Variants in ARHGAP6 observed in about 807,000 individuals in gnomAD.
ARHGAP6 encodes the protein rho GTPase-activating protein 6.
Under a neutral mutation model 55.7 loss-of-function variants are expected in ARHGAP6, and 16 were observed. The observed-to-expected ratio is 0.29, with a 90% CI of 0.19 to 0.44. The LOEUF (loss-of-function observed/expected upper bound fraction) is 0.44, where lower values mean the gene tolerates loss of function less well. ARHGAP6 is among the 20% of genes least tolerant of loss of function. The pLI is 1.00. For synonymous variants in ARHGAP6, 382 were observed against 360.9 expected (o/e 1.06, Z -0.66); for missense variants, 698 against 808.9 (o/e 0.86, Z 1.66).
At chrX:11,658,355 C>T (rs2052661131) in intron 1 of ARHGAP6, among the ~76,000 whole-genome samples, 1 of 111,349 alleles carries the variant, frequency 9.0e-6, no homozygotes, top group Non-Finnish European at 1.9e-5. Flanking sequence ...AGAGAGATAG[C>T]CTGAGAGAGA....
intron 1 of ARHGAP6, among the ~76,000 whole-genome samples, chrX:11,437,759 A>G (rs933448140): frequency 8.9e-6 from 1 of 112,294 alleles, no homozygotes; most frequent in Non-Finnish European, 1.9e-5. Context: ...GTAAACTCCC[A>G]GGCACTTCCT....
At chrX:11,337,971 G>C (rs1054589572) in intron 1 of ARHGAP6, among the ~76,000 whole-genome samples, 19 of 111,418 alleles carry the variant, frequency 1.7e-4, no homozygotes, top group African/African-American at 6.2e-4. Context: ...ACCAAACCCA[G>C]GGGTGTCCTG....
At chrX:11,360,870 G>A (rs759087843) in intron 1 of ARHGAP6, among the ~76,000 whole-genome samples, 1,474 of 109,169 alleles carry the variant, frequency 0.014, 50 homozygotes, top group African/African-American at 0.049. Flanking sequence ...ATAACAGAGA[G>A]AGAGCCAAAT....
chrX:11,391,285 A>C (rs1450584501), intron 1 of ARHGAP6, among the ~76,000 whole-genome samples: 2 of 111,102 alleles, frequency 1.8e-5, no homozygotes, highest in East Asian at 5.6e-4. Context: ...GGACACAGGA[A>C]GGGGAACATC....
intron 10 of ARHGAP6, chrX:11,145,078 A>G (rs907004361): frequency 8.9e-6 from 1 of 112,240 alleles, no homozygotes; most frequent in Non-Finnish European, 1.9e-5. Flanking sequence ...TTACCTGGAA[A>G]CATCTTTCTT....
intron 2 of ARHGAP6, among the ~76,000 whole-genome samples, chrX:11,204,243 T>C (rs1479260426): frequency 1.8e-5 from 2 of 112,225 alleles, no homozygotes; most frequent in Non-Finnish European, 3.8e-5. Flanking sequence ...TCTCAACCTG[T>C]TCTGTGGCTT....
At chrX:11,216,356 G>A (rs1295145510) in intron 2 of ARHGAP6, among the ~76,000 whole-genome samples, 1 of 111,999 alleles carries the variant, frequency 8.9e-6, no homozygotes, top group East Asian at 2.8e-4. Context: ...CGTCTTCTAA[G>A]AAAAATCAGC....
intron 1 of ARHGAP6, among the ~76,000 whole-genome samples, chrX:11,648,516 C>T (rs1291845910): frequency 8.9e-6 from 1 of 111,801 alleles, no homozygotes; most frequent in Non-Finnish European, 1.9e-5. Context: ...CTTTCCTCTT[C>T]CCGCTGAAGC....
chrX:11,297,553 T>C (rs2048107547), intron 1 of ARHGAP6, among the ~76,000 whole-genome samples: 1 of 112,585 alleles, frequency 8.9e-6, no homozygotes, highest in Non-Finnish European at 1.9e-5. Flanking sequence ...GCCGTATTAC[T>C]ATATGAAGAA....
Position 11,139,060 on chromosome X carries a change from G to T in ARHGAP6, c.2728C>A (p.Gln910Lys), listed in dbSNP as rs2045583345. 2 of 1,205,739 alleles carry T rather than the reference G, an allele frequency of 1.7e-6. No homozygotes were observed. The highest frequency in any genetic ancestry group is 2.2e-6 in the Non-Finnish European group (2 of 892,904). The change falls in exon 13 of 13, where the codon CAG becomes AAG. Residue 910 changes from glutamine to lysine, a missense_variant. This residue lies in a region of ARHGAP6 where 212 missense variants were observed against 208.7 expected (regional missense o/e 1.02). Transcript: ENST00000337414. ...TCTCGCTCGGCTGCTTGGCCTCCCT[G>T]GTCCGTGGGTGTCTCCACGCCTTCC... is the stretch of plus-strand genomic sequence containing the variant. ...PPEGVETPTD[Q>K]GGQAAEREQQ...
chrX:11,351,707 T>G, intron 1 of ARHGAP6: 1 of 370,675 alleles, frequency 2.7e-6, no homozygotes, highest in Non-Finnish European at 3.5e-6. Flanking sequence ...CTATTAATAC[T>G]AGGCTGACTT....
At chrX:11,397,894 T>C (rs755509385) in intron 1 of ARHGAP6, among the ~76,000 whole-genome samples, 3 of 111,324 alleles carry the variant, frequency 2.7e-5, no homozygotes, top group African/African-American at 9.8e-5. Context: ...AAAACAAAAA[T>C]GAAAACAAAA....
rs1279136828 is a variant in ARHGAP6, at chrX:11,219,134, G to A, written c.749-22138C>T. On this transcript the variant is annotated intron_variant, in intron 2 of 12. Coordinates refer to ENST00000337414, the MANE Select transcript of ARHGAP6 (RefSeq NM_013427.3). Reference sequence around the variant, plus strand: ...TTCCCACCTATGAGTGAGAATATGCGGTGTTTGGTTTTTTGTTCTTGTGAT... The same window carrying A: ...TTCCCACCTATGAGTGAGAATATGCAGTGTTTGGTTTTTTGTTCTTGTGAT... Among the ~76,000 whole-genome samples, 117 of 93,629 alleles carry A rather than the reference G, an allele frequency of 1.2e-3. 1 individual carries two copies. Among genetic ancestry groups the A allele is most frequent in the African/African-American group, 2.5e-3 (62 of 25,045 alleles). The allele number at this position is 93,629 out of a possible 115,157, so 81.3% of individuals were successfully genotyped here.
intron 1 of ARHGAP6, among the ~76,000 whole-genome samples, chrX:11,270,859 G>A (rs998722458): frequency 8.9e-6 from 1 of 111,979 alleles, no homozygotes; most frequent in Non-Finnish European, 1.9e-5. Flanking sequence ...TATAGCTGGA[G>A]AAATACCTTT....
At chrX:11,583,801 G>C (rs759671738) in intron 1 of ARHGAP6, among the ~76,000 whole-genome samples, 4 of 111,379 alleles carry the variant, frequency 3.6e-5, no homozygotes. Context: ...CTCAAGTAAT[G>C]CTAAGATATA....
chrX:11,270,955 A>G (rs1227135140), intron 1 of ARHGAP6, among the ~76,000 whole-genome samples: 2 of 111,845 alleles, frequency 1.8e-5, no homozygotes, highest in Non-Finnish European at 3.8e-5. Flanking sequence ...ATTCTTATGG[A>G]GAAATCTGTA....
intron 1 of ARHGAP6, among the ~76,000 whole-genome samples, chrX:11,345,524 A>C (rs1001559514): frequency 8.9e-6 from 1 of 112,279 alleles, no homozygotes; most frequent in African/African-American, 3.2e-5. Flanking sequence ...CTCAAAGAGG[A>C]TGCTAAAATC....
chrX:11,608,661 G>A (rs759089976), intron 1 of ARHGAP6, among the ~76,000 whole-genome samples: 50 of 111,685 alleles, frequency 4.5e-4, no homozygotes, highest in African/African-American at 1.6e-3. Context: ...TGTTGTGGGA[G>A]GGACCCCGTG....
At chrX:11,590,902 G>GAAAGAAAGAA (rs1569411080) in intron 1 of ARHGAP6, among the ~76,000 whole-genome samples, 1 of 90,203 alleles carries the variant, frequency 1.1e-5, no homozygotes, top group African/African-American at 4.5e-5. Context: ...AAGAAAGAAA[G>GAAAGAAAGAA]AAAGAAAGAA....
Sources: gnomAD v4.1 joint callset for allele counts (sites outside exome capture counted in the v4.1 genomes callset) on GRCh38, gnomAD v4.1.1 for gene constraint, gnomAD v4.1.1 regional missense constraint, MANE v1.5 for transcripts, NCBI Gene and HGNC (gene_info 2026-07-23, HGNC 2026-07-21) for gene names.